The following VPS13B variants were observed in gnomAD, a reference collection of about 807,000 sequenced individuals.
VPS13B encodes the protein vacuolar protein sorting 13 homolog B, also known as intermembrane lipid transfer protein VPS13B.
VPS13B carries 285 observed loss-of-function variants against 426.4 expected under a neutral mutation model. The ratio of observed to expected loss-of-function variants is 0.67; its 90% CI spans 0.61 to 0.74. The LOEUF (loss-of-function observed/expected upper bound fraction) is 0.74, where lower values mean the gene tolerates loss of function less well. VPS13B is among the 30% of genes least tolerant of loss of function. VPS13B has a pLI of 0.00. For missense variants in VPS13B, 4,537 were observed against 4,782.6 expected (o/e 0.95, Z 1.51); for synonymous variants, 1,676 against 1,676.4 (o/e 1.00, Z 0.01).
intron 33 of VPS13B, among the ~76,000 whole-genome samples, chr8:99,622,849 A>T (rs1828426347): frequency 6.6e-6 from 1 of 152,190 alleles, no homozygotes; most frequent in Non-Finnish European, 1.5e-5. Context: ...CTTGGCTCTA[A>T]CTTCAAAATA....
In VPS13B at chr8:99,141,501, G is replaced by A. The variant is rs113330643; in HGVS notation, c.1652-1473G>A. On this transcript the variant is annotated intron_variant, in intron 12 of 61. Coordinates refer to ENST00000357162, the MANE Select transcript of VPS13B (RefSeq NM_152564.5). ...TAAGTTACCTCATTCTGTCTTACAT[G>A]TAATTCTAGAAATGTAATGGTTTTA... 6.3e-4 allele frequency among the ~76,000 whole-genome samples: 96 copies of A among 152,238 alleles called. 2 individuals carry two copies. The South Asian group carries it at 8.5e-3, about 13-fold the overall frequency.
chr8:99,647,684 T>A (rs1829645089), intron 34 of VPS13B, among the ~76,000 whole-genome samples: 1 of 152,180 alleles, frequency 6.6e-6, no homozygotes, highest in South Asian at 2.1e-4. Context: ...ATAATTTATT[T>A]ATCTCATTAA....
chr8:99,709,798 A>G (rs1452769548), intron 36 of VPS13B, among the ~76,000 whole-genome samples: 2 of 152,144 alleles, frequency 1.3e-5, no homozygotes, highest in African/African-American at 4.8e-5. Context: ...GAAAAAGGAC[A>G]TTGGAGGAGA....
intron 17 of VPS13B, among the ~76,000 whole-genome samples, chr8:99,242,367 A>G (rs1488768528): frequency 6.6e-6 from 1 of 152,240 alleles, no homozygotes; most frequent in East Asian, 1.9e-4. Flanking sequence ...TATTTGAAAT[A>G]TATGTATAAA....
At chr8:99,351,415 C>T in intron 19 of VPS13B, among the ~76,000 whole-genome samples, 1 of 148,692 alleles carries the variant, frequency 6.7e-6, no homozygotes, top group East Asian at 1.9e-4. Context: ...TTTCTCCTTC[C>T]TCAAGAGAGA....
At chr8:99,409,381 T>C (rs1014964034) in intron 21 of VPS13B, among the ~76,000 whole-genome samples, 2 of 152,028 alleles carry the variant, frequency 1.3e-5, no homozygotes, top group Non-Finnish European at 2.9e-5. Context: ...TAATGCAGAA[T>C]TAGGTGGCAA....
intron 25 of VPS13B, among the ~76,000 whole-genome samples, chr8:99,482,063 A>G (rs540611033): frequency 6.6e-6 from 1 of 152,236 alleles, no homozygotes; most frequent in African/African-American, 2.4e-5. Context: ...CAGTAAAGGT[A>G]TGTTTCCTCG....
intron 43 of VPS13B, among the ~76,000 whole-genome samples, chr8:99,797,348 T>G (rs1812896361): frequency 6.6e-6 from 1 of 152,036 alleles, no homozygotes; most frequent in African/African-American, 2.4e-5. Flanking sequence ...CAAGCGATCC[T>G]CCTACCTCTG....
intron 34 of VPS13B, among the ~76,000 whole-genome samples, chr8:99,658,787 TG>T (rs1309866996): frequency 8.8e-4 from 134 of 152,192 alleles, no homozygotes; most frequent in African/African-American, 3.1e-3. Flanking sequence ...TATCGGGTGT[TG>T]TTTTTTTTGT....
intron 39 of VPS13B, among the ~76,000 whole-genome samples, chr8:99,721,802 C>T (rs1833144864): frequency 6.6e-6 from 1 of 152,176 alleles, no homozygotes; most frequent in Admixed American, 6.5e-5. Context: ...AAATATGTCC[C>T]TATTCCATCT....
At chr8:99,199,490 G>GTCTACGTTT (rs1261899341) in intron 17 of VPS13B, among the ~76,000 whole-genome samples, 1 of 152,084 alleles carries the variant, frequency 6.6e-6, no homozygotes, top group Non-Finnish European at 1.5e-5. Context: ...AATTTTTAAA[G>GTCTACGTTT]TCTACGTTTG....
At chr8:99,258,144 CATT>C (rs1817851440) in intron 17 of VPS13B, among the ~76,000 whole-genome samples, 1 of 151,074 alleles carries the variant, frequency 6.6e-6, no homozygotes, top group African/African-American at 2.4e-5. Context: ...AACCAAATAA[CATT>C]ATTATTTTAA....
intron 3 of VPS13B, among the ~76,000 whole-genome samples, chr8:99,088,236 C>T (rs971126509): frequency 3.4e-5 from 5 of 147,548 alleles, no homozygotes; most frequent in African/African-American, 1.2e-4. Context: ...AATATCAGAT[C>T]TTAAAAAAAA....
In VPS13B at chr8:99,871,507, T is replaced by A. The variant is rs1026500703; in HGVS notation, c.11555T>A (p.Val3852Glu). 6.2e-7 allele frequency: 1 copy of A among 1,614,042 alleles called. No homozygotes were observed. Among genetic ancestry groups the A allele is most frequent in the African/African-American group, 1.3e-5 (1 of 74,918 alleles). The change falls in exon 61 of 62, where the codon GTG becomes GAG. Residue 3852 changes from valine to glutamate, a missense_variant. Val to Glu is a moderately radical substitution (Grantham distance 121, BLOSUM62 -2). Around this residue, in one of 2 missense-constraint regions of VPS13B, gnomAD observed 4,311 missense variants for 4,474.3 expected, o/e 0.96. Transcript: ENST00000357162. ...CACATGGCCCTGGACGTGGTTCTGG[T>A]GAGGGGCTCAGGCCAGGAGCATGAA... is the stretch of plus-strand genomic sequence containing the variant. ...EVHMALDVVL[V>E]RGSGQEHEGC... is the part of the protein sequence containing the mutation.
intron 44 of VPS13B, among the ~76,000 whole-genome samples, chr8:99,812,741 G>A (rs1813784013): frequency 6.6e-6 from 1 of 152,158 alleles, no homozygotes; most frequent in Admixed American, 6.5e-5. Flanking sequence ...ACACATGTAT[G>A]TATGTATAAT....
chr8:99,497,061 C>A (rs1820924643), intron 25 of VPS13B, among the ~76,000 whole-genome samples: 1 of 142,274 alleles, frequency 7.0e-6, no homozygotes, highest in African/African-American at 2.6e-5. Flanking sequence ...TATTTATTTA[C>A]AAATAATTTA....
chr8:99,237,871 A>AT (rs11313632), intron 17 of VPS13B, among the ~76,000 whole-genome samples: 42 of 147,786 alleles, frequency 2.8e-4, no homozygotes, highest in East Asian at 7.9e-4. Flanking sequence ...GGTTGGGGTT[A>AT]TTTTTTTTTT....
chr8:99,546,160 G>A (rs1182230886), intron 30 of VPS13B, among the ~76,000 whole-genome samples: 3 of 151,726 alleles, frequency 2.0e-5, no homozygotes. Context: ...TATAATATTT[G>A]TGAGTCGGAA....
intron 25 of VPS13B, among the ~76,000 whole-genome samples, 183 bp downstream of exon 25, chr8:99,481,985 T>A (rs924978263): frequency 1.3e-5 from 2 of 152,158 alleles, no homozygotes; most frequent in Non-Finnish European, 2.9e-5. Flanking sequence ...CTGTTTTTAA[T>A]CACTTTTAGC....
Sources: allele counts gnomAD v4.1 joint callset (sites outside exome capture counted in the v4.1 genomes callset), GRCh38; gene constraint gnomAD v4.1.1; regional missense constraint gnomAD v4.1.1; transcripts MANE v1.5; gene names NCBI Gene and HGNC (gene_info 2026-07-23, HGNC 2026-07-21).